Variants in ZFPM2 observed in about 807,000 individuals in gnomAD.
ZFPM2 encodes the protein zinc finger protein ZFPM2.
In ZFPM2, 20 loss-of-function variants were observed where a neutral mutation model predicts 98.6. That is an observed-to-expected ratio of 0.20 (90% CI 0.14 to 0.29). The LOEUF is 0.29. Among genes scored for constraint, ZFPM2 ranks in the 10% least tolerant of loss-of-function variants. ZFPM2 has a pLI of 1.00. For synonymous variants in ZFPM2, 518 were observed against 502.7 expected (o/e 1.03, Z -0.41); for missense variants, 1,310 against 1,388.6 (o/e 0.94, Z 0.90).
At chr8:105,647,948 A>G (rs1215174316) in intron 5 of ZFPM2, among the ~76,000 whole-genome samples, 1 of 152,152 alleles carries the variant, frequency 6.6e-6, no homozygotes, top group Non-Finnish European at 1.5e-5. Context: ...TTGAGGAATC[A>G]CCACACTGTC....
In ZFPM2 at chr8:105,448,281, T is replaced by C. The variant is rs372177274; in HGVS notation, c.301+3900T>C. Among the ~76,000 whole-genome samples the C allele has an allele frequency of 5.9e-5, 9 of 152,204 alleles. 1 individual carries two copies. Among genetic ancestry groups the C allele is most frequent in the African/African-American group, 2.2e-4 (9 of 41,584 alleles). ...CATTTGCTCTTCACTATTCTGGTTTTTCATCTGTCTTTGCCTATATTTTAT... is the reference window on the plus strand; with the variant it reads ...CATTTGCTCTTCACTATTCTGGTTTCTCATCTGTCTTTGCCTATATTTTAT... On this transcript the variant is annotated intron_variant, in intron 3 of 7. Coordinates refer to ENST00000407775, the MANE Select transcript of ZFPM2 (RefSeq NM_012082.4).
chr8:105,710,203 A>G (rs1668306784), intron 5 of ZFPM2, among the ~76,000 whole-genome samples: 1 of 152,142 alleles, frequency 6.6e-6, no homozygotes, highest in Admixed American at 6.6e-5. Flanking sequence ...AAACAACTTC[A>G]AAATCTCAGT....
chr8:105,323,298 C>A (rs1327840994), intron 1 of ZFPM2, among the ~76,000 whole-genome samples: 1 of 151,538 alleles, frequency 6.6e-6, no homozygotes, highest in Non-Finnish European at 1.5e-5. Flanking sequence ...TTTTCTCCTG[C>A]CAAATATTAA....
At chr8:105,549,872 C>A (rs1369368713) in intron 3 of ZFPM2, among the ~76,000 whole-genome samples, 1 of 151,906 alleles carries the variant, frequency 6.6e-6, no homozygotes, top group South Asian at 2.1e-4. Context: ...CCTTGGCCTC[C>A]CAAAGCACTG....
intron 3 of ZFPM2, among the ~76,000 whole-genome samples, chr8:105,494,156 T>C (rs1321680392): frequency 7.2e-6 from 1 of 138,044 alleles, no homozygotes; most frequent in African/African-American, 2.7e-5. Context: ...TATGTAGCTT[T>C]AGCTCACATT....
chr8:105,559,819 G>A (rs189183101), intron 3 of ZFPM2, among the ~76,000 whole-genome samples: 107 of 152,186 alleles, frequency 7.0e-4, no homozygotes, highest in African/African-American at 2.5e-3. Flanking sequence ...TTGAATCTAT[G>A]TATTTAAAGA....
chr8:105,553,260 G>A (rs986785527), intron 3 of ZFPM2, among the ~76,000 whole-genome samples: 1 of 152,086 alleles, frequency 6.6e-6, no homozygotes, highest in African/African-American at 2.4e-5. Context: ...AGAATAACCT[G>A]TCTCAGAATA....
chr8:105,603,797 C>A (rs1483901588), intron 4 of ZFPM2, among the ~76,000 whole-genome samples: 3 of 151,916 alleles, frequency 2.0e-5, no homozygotes, highest in Admixed American at 2.0e-4. Context: ...ATAGTGATAA[C>A]GCTTGATTTT....
At chr8:105,383,703 A>G (rs1810931779) in intron 1 of ZFPM2, among the ~76,000 whole-genome samples, 1 of 152,114 alleles carries the variant, frequency 6.6e-6, no homozygotes, top group African/African-American at 2.4e-5. Context: ...AGTGTTGTTC[A>G]TATATATTGT....
intron 1 of ZFPM2, among the ~76,000 whole-genome samples, chr8:105,325,843 T>G (rs1461063752): frequency 6.6e-6 from 1 of 151,816 alleles, no homozygotes; most frequent in African/African-American, 2.4e-5. Context: ...TTTTAGTAAT[T>G]TGTGCTTTTG....
chr8:105,347,781 C>A lies in ZFPM2; in HGVS notation c.40+28800C>A, dbSNP rs375281664. Among the ~76,000 whole-genome samples, 3 of 152,232 alleles carry A rather than the reference C, an allele frequency of 2.0e-5. No individual in the cohort carries two copies. In the South Asian group the frequency reaches 6.2e-4, roughly 32 times the overall value. On this transcript the variant is annotated intron_variant, in intron 1 of 7. Transcript: ENST00000407775. ...CCAGCTTATTCAAGTGTTTAAATTT[C>A]AAATTAGTTGCTTGTCTTTATCATT...
intron 4 of ZFPM2, among the ~76,000 whole-genome samples, chr8:105,628,572 C>T (rs1193922710): frequency 6.6e-6 from 1 of 152,084 alleles, no homozygotes; most frequent in Non-Finnish European, 1.5e-5. Flanking sequence ...CTATAAAAAC[C>T]CCAGCCTCAG....
intron 4 of ZFPM2, among the ~76,000 whole-genome samples, chr8:105,587,818 T>A (rs1815755896): frequency 6.6e-6 from 1 of 152,188 alleles, no homozygotes; most frequent in African/African-American, 2.4e-5. Context: ...GTAGGATGTC[T>A]AGTGTCATTT....
rs1390899306 is a variant in ZFPM2, at chr8:105,802,008, T to C, written c.1926T>C (p.His642=). Residue 642 remains histidine (H), a synonymous_variant, in exon 8 of 8, where the codon CAT becomes CAC. Coordinates refer to ENST00000407775, the MANE Select transcript of ZFPM2 (RefSeq NM_012082.4). ...TAATTGGGCCAAATGGGAAGGGCCATGACAAGGACTTTTCCACTCAAACTA... is the reference window on the plus strand; with the variant it reads ...TAATTGGGCCAAATGGGAAGGGCCACGACAAGGACTTTTCCACTCAAACTA... ...LDLIGPNGKG[H]DKDFSTQTKK... 2 of 1,613,808 alleles carry C rather than the reference T, an allele frequency of 1.2e-6. No individual in the cohort carries two copies. Among genetic ancestry groups the C allele is most frequent in the South Asian group, 1.1e-5 (1 of 91,080 alleles).
chr8:105,644,283 CTTTTTT>C lies in ZFPM2; in HGVS notation c.532+9935_532+9940del, dbSNP rs749074804. ...CATTGCTTTTATTTTTCTTTCTTTT[CTTTTTT>C]TTTTTTTTAAAAAAAAAACAGGGTT... On this transcript the variant is annotated intron_variant, in intron 5 of 7. Coordinates refer to ENST00000407775, the MANE Select transcript of ZFPM2 (RefSeq NM_012082.4). 2.9e-5 allele frequency among the ~76,000 whole-genome samples: 4 copies of C among 138,556 alleles called. No individual in the cohort carries two copies. The South Asian group carries it at 9.1e-4, about 32-fold the overall frequency. 90.9% of individuals were successfully genotyped at this position (138,556 alleles called of 152,430 possible). A position where few individuals can be genotyped will look rare whatever the true frequency, so the allele number is the denominator to read the frequency against.
chr8:105,803,553 A>C lies in ZFPM2; in HGVS notation c.*15A>C. ...ATGTCAAATGAACTAACTAAACATC[A>C]GTCACCTTTGGTATCAGTGTTTAGT... On this transcript the variant is annotated 3_prime_UTR_variant, in exon 8 of 8. Transcript: ENST00000407775. The C allele has an allele frequency of 6.3e-7, 1 of 1,593,022 alleles. No homozygotes were observed. The highest frequency in any genetic ancestry group is 8.6e-7 in the Non-Finnish European group (1 of 1,168,498).
Position 105,377,552 on chromosome 8 carries a change from A to G in ZFPM2, c.41-41592A>G, listed in dbSNP as rs111594037. On this transcript the variant is annotated intron_variant, in intron 1 of 7. Coordinates refer to ENST00000407775, the MANE Select transcript of ZFPM2 (RefSeq NM_012082.4). ...CGAGGTGGAAGGATCACTTGAGGCC[A>G]GGAGTTTGCGACCAGCTTGGCCAAC... Among the ~76,000 whole-genome samples the G allele has an allele frequency of 4.5e-3, 626 of 139,918 alleles. 5 individuals are homozygous for G. The highest frequency in any genetic ancestry group is 0.016 in the African/African-American group (583 of 37,220). The allele number at this position is 139,918 out of a possible 152,430, so 91.8% of individuals were successfully genotyped here.
intron 5 of ZFPM2, among the ~76,000 whole-genome samples, chr8:105,695,076 G>A (rs1810983023): frequency 6.6e-6 from 1 of 152,094 alleles, no homozygotes. Flanking sequence ...GGATCTATCT[G>A]TCTACATAGG....
intron 3 of ZFPM2, among the ~76,000 whole-genome samples, chr8:105,473,612 T>C (rs527888363): frequency 2.0e-5 from 3 of 152,330 alleles, no homozygotes; most frequent in South Asian, 2.1e-4. Flanking sequence ...AGACAGAGTT[T>C]AAAAGCCATT....
Sources: allele counts gnomAD v4.1 joint callset (sites outside exome capture counted in the v4.1 genomes callset), GRCh38; gene constraint gnomAD v4.1.1; transcripts MANE v1.5; gene names NCBI Gene and HGNC (gene_info 2026-07-23, HGNC 2026-07-21).